The following ABCC4 variants were observed in gnomAD, a reference collection of about 807,000 sequenced individuals.
The protein encoded by ABCC4 is ATP binding cassette subfamily C member 4 (PEL blood group).
A neutral mutation model predicts 168.5 loss-of-function variants in ABCC4; 102 were observed. That is an observed-to-expected ratio of 0.61 (90% CI 0.52 to 0.71). The LOEUF is 0.71. ABCC4 is among the 30% of genes least tolerant of loss of function. The pLI, the probability that ABCC4 is intolerant of heterozygous loss-of-function variation, is 0.00. For missense variants in ABCC4, 1,402 were observed against 1,605.8 expected (o/e 0.87, Z 2.17); for synonymous variants, 617 against 590.7 (o/e 1.04, Z -0.65).
chr13:95,297,393 C>T (rs985975146), intron 1 of ABCC4, among the ~76,000 whole-genome samples: 4 of 152,020 alleles, frequency 2.6e-5, no homozygotes, highest in African/African-American at 9.7e-5. Flanking sequence ...GCTATAAATA[C>T]ACCAAAATCC....
intron 29 of ABCC4, among the ~76,000 whole-genome samples, chr13:95,039,370 T>C (rs1020900769): frequency 2.0e-5 from 3 of 152,210 alleles, no homozygotes; most frequent in Admixed American, 6.5e-5. Context: ...AGATTCTAGA[T>C]CTTTTACAAC....
intron 19 of ABCC4, among the ~76,000 whole-genome samples, chr13:95,146,018 CT>C (rs1368114116): frequency 6.6e-6 from 1 of 152,098 alleles, no homozygotes; most frequent in Non-Finnish European, 1.5e-5. Context: ...TCAAGACCAG[CT>C]TAGCCAATAT....
chr13:95,069,418 A>C (rs7996584), intron 25 of ABCC4, among the ~76,000 whole-genome samples: 6 of 152,284 alleles, frequency 3.9e-5, no homozygotes, highest in Non-Finnish European at 8.8e-5. Flanking sequence ...ATTGTGGTAA[A>C]ATACACAAAA....
intron 19 of ABCC4, among the ~76,000 whole-genome samples, chr13:95,156,808 C>T (rs1049250729): frequency 1.3e-5 from 2 of 152,046 alleles, no homozygotes; most frequent in Non-Finnish European, 2.9e-5. Context: ...AAAACCGGCT[C>T]TTGGCAGGGC....
intron 26 of ABCC4, among the ~76,000 whole-genome samples, chr13:95,058,567 C>CAAAAAAAAAAAAAAAAAAAAAAAAAAA (rs1165324016): frequency 1.6e-5 from 1 of 62,792 alleles, no homozygotes; most frequent in Non-Finnish European, 2.9e-5. Flanking sequence ...GACTCCATCT[C>CAAAAAAAAAAAAAAAAAAAAAAAAAAA]AAAAAAAAAA....
intron 10 of ABCC4, 113 bp downstream of exon 10, chr13:95,188,340 G>T (rs530243798): frequency 1.1e-6 from 1 of 933,648 alleles, no homozygotes; most frequent in African/African-American, 1.6e-5. Context: ...GAGAAATGCC[G>T]TGCCAAGTGT....
In ABCC4 at chr13:95,166,637, G is replaced by A. The variant is rs55793058; in HGVS notation, c.1825-270C>T. 5.9e-3 allele frequency among the ~76,000 whole-genome samples: 892 copies of A among 152,218 alleles called. 5 individuals carry two copies. Among genetic ancestry groups the A allele is most frequent in the African/African-American group, 0.021 (858 of 41,508 alleles). ...TATTATCACACAGATGTTGGTGACC[G>A]TATTGGTAGTCTTATTACAGAACAT... On this transcript the variant is annotated intron_variant, in intron 14 of 30. Transcript: ENST00000645237.
intron 1 of ABCC4, among the ~76,000 whole-genome samples, chr13:95,270,620 A>C (rs2040823564): frequency 6.6e-6 from 1 of 152,174 alleles, no homozygotes. Flanking sequence ...GGGGCTGGCC[A>C]GGGCCCACGC....
chr13:95,174,693 G>A (rs543987222), intron 13 of ABCC4, among the ~76,000 whole-genome samples: 15 of 152,238 alleles, frequency 9.9e-5, no homozygotes, highest in Middle Eastern at 3.4e-3. Context: ...TCTAAACAGC[G>A]TCCCACCGGG....
intron 1 of ABCC4, among the ~76,000 whole-genome samples, chr13:95,260,692 G>A (rs1392742306): frequency 6.6e-6 from 1 of 152,102 alleles, no homozygotes; most frequent in Non-Finnish European, 1.5e-5. Context: ...ATGGGGTCTG[G>A]GGTGATAATG....
chr13:95,269,953 G>A (rs990100214), intron 1 of ABCC4, among the ~76,000 whole-genome samples: 3 of 152,218 alleles, frequency 2.0e-5, no homozygotes, highest in Non-Finnish European at 4.4e-5. Context: ...AGTAGAAGGA[G>A]GGTTAAGATT....
At chr13:95,121,103 T>C (rs1195326738) in intron 19 of ABCC4, among the ~76,000 whole-genome samples, 6 of 152,056 alleles carry the variant, frequency 3.9e-5, no homozygotes, top group African/African-American at 7.2e-5. Context: ...AAAGAGAAAA[T>C]GAGGCAGGGA....
chr13:95,068,738 G>C (rs193208487), intron 25 of ABCC4, among the ~76,000 whole-genome samples: 197 of 152,206 alleles, frequency 1.3e-3, no homozygotes, highest in Admixed American at 2.9e-3. Flanking sequence ...TCAATGTGGG[G>C]ATATAGGTTG....
At chr13:95,171,427 C>T (rs1269302279) in intron 13 of ABCC4, among the ~76,000 whole-genome samples, 2 of 151,638 alleles carry the variant, frequency 1.3e-5, no homozygotes, top group African/African-American at 4.8e-5. Flanking sequence ...TGTGGTGGCA[C>T]ACACCTGTAG....
intron 1 of ABCC4, among the ~76,000 whole-genome samples, chr13:95,257,507 A>G (rs2040422158): frequency 6.6e-6 from 1 of 152,088 alleles, no homozygotes; most frequent in South Asian, 2.1e-4. Flanking sequence ...TGTCTCTATA[A>G]AAATACAGAA....
Position 95,139,480 on chromosome 13 carries a change from G to C in ABCC4, c.2455+21709C>G, listed in dbSNP as rs1003875198. Among the ~76,000 whole-genome samples the C allele has an allele frequency of 2.0e-5, 3 of 152,232 alleles. No homozygotes were observed. In the South Asian group the frequency reaches 6.2e-4, roughly 32 times the overall value. On this transcript the variant is annotated intron_variant, in intron 19 of 30. Coordinates refer to ENST00000645237, the MANE Select transcript of ABCC4 (RefSeq NM_005845.5). Reference sequence around the variant, plus strand: ...AGAAGCATGAGGGCAAGCTGTGTAGGGGGTGAGCAAAACACCCACAGCCCC... The same window carrying C: ...AGAAGCATGAGGGCAAGCTGTGTAGCGGGTGAGCAAAACACCCACAGCCCC...
chr13:95,252,626 GATCGCACCTTTGCACTCCAGCCTA>G (rs1294628287), intron 1 of ABCC4, among the ~76,000 whole-genome samples: 29 of 152,314 alleles, frequency 1.9e-4, no homozygotes, highest in African/African-American at 7.0e-4. Flanking sequence ...AGTGAGCTGA[GATCGCACCTTTGCACTCCAGCCTA>G]GGTGACAGAG....
chr13:95,075,589 G>A, intron 21 of ABCC4, 38 bp from the exon 22 acceptor site: 1 of 1,611,964 alleles, frequency 6.2e-7, no homozygotes, highest in East Asian at 2.2e-5. Context: ...CAGTGAGGCT[G>A]GGTGCAGAAA....
chr13:95,301,402 G>C lies in ABCC4; in HGVS notation c.-88C>G. 1 of 1,208,224 alleles carries C rather than the reference G, an allele frequency of 8.3e-7. No homozygotes were observed. The highest frequency in any genetic ancestry group is 1.1e-6 in the Non-Finnish European group (1 of 888,062). The allele number at this position is 1,208,224 out of a possible 1,614,324, so 74.8% of individuals were successfully genotyped here. A position where few individuals can be genotyped will look rare whatever the true frequency, so the allele number is the denominator to read the frequency against. On this transcript the variant is annotated 5_prime_UTR_variant, in exon 1 of 31. Coordinates refer to ENST00000645237, the MANE Select transcript of ABCC4 (RefSeq NM_005845.5). ...CCGCTCCTGGACCTCAAGCAGGGATGCTGGGGCTCCGGCCGCCACGCCTGT... is the reference window on the plus strand; with the variant it reads ...CCGCTCCTGGACCTCAAGCAGGGATCCTGGGGCTCCGGCCGCCACGCCTGT...
Sources: allele counts gnomAD v4.1 joint callset (sites outside exome capture counted in the v4.1 genomes callset), GRCh38; gene constraint gnomAD v4.1.1; transcripts MANE v1.5; gene names NCBI Gene and HGNC (gene_info 2026-07-23, HGNC 2026-07-21).